CCDC149: variants seen among roughly 807,000 people sequenced by gnomAD.
CCDC149 encodes the protein coiled-coil domain containing 149.
Under a neutral mutation model 59.9 loss-of-function variants are expected in CCDC149, and 45 were observed. The observed-to-expected ratio is 0.75, with a 90% CI of 0.59 to 0.96. The LOEUF (loss-of-function observed/expected upper bound fraction) is 0.96. CCDC149 is among the 40% of genes least tolerant of loss of function. CCDC149 has a pLI of 0.00. For synonymous variants in CCDC149, 245 were observed against 260.6 expected, an observed-to-expected ratio of 0.94 and a Z score of 0.58; for missense variants, 584 against 664.7, an observed-to-expected ratio of 0.88 and a Z score of 1.33.
chr4:24,850,229 C>A (rs1243594370), intron 4 of CCDC149, among the ~76,000 whole-genome samples: 1 of 151,964 alleles, frequency 6.6e-6, no homozygotes, highest in Non-Finnish European at 1.5e-5. Context: ...CCATTCCATT[C>A]CTTCAATAGA....
At chr4:24,924,181 C>T (rs1201382661) in intron 1 of CCDC149, among the ~76,000 whole-genome samples, 1 of 151,846 alleles carries the variant, frequency 6.6e-6, no homozygotes, top group Non-Finnish European at 1.5e-5. Flanking sequence ...AAGAGTAGCA[C>T]CACTCTGACC....
chr4:24,869,187 C>T (rs977917042), intron 3 of CCDC149, among the ~76,000 whole-genome samples: 1 of 152,222 alleles, frequency 6.6e-6, no homozygotes, highest in African/African-American at 2.4e-5. Context: ...CAGTGGCATG[C>T]CTGATCATGC....
upstream of CCDC149, among the ~76,000 whole-genome samples, chr4:24,913,122 G>A (rs1257231120): frequency 6.6e-6 from 1 of 150,766 alleles, no homozygotes; most frequent in Non-Finnish European, 1.5e-5. Context: ...CGCCGGGCCC[G>A]CCCCGCGCCC....
chr4:24,961,547 T>C (rs937498690), intron 1 of CCDC149, among the ~76,000 whole-genome samples: 3 of 152,320 alleles, frequency 2.0e-5, no homozygotes, highest in Admixed American at 2.0e-4. Context: ...TCATGCTACC[T>C]GACTTCAAGC....
In CCDC149 at chr4:24,859,169, A is replaced by G. The variant is rs200560686; in HGVS notation, c.265-5990T>C. ...GAAACTGTAGTTTGAGTACATAGCC[A>G]TTCTGTTTTTTGGTTTCAGTACGGT... On this transcript the variant is annotated intron_variant, in intron 3 of 12. Transcript: ENST00000635206. 3.9e-5 allele frequency among the ~76,000 whole-genome samples: 6 copies of G among 152,324 alleles called. No homozygotes were observed. The East Asian group carries it at 1.2e-3, about 29-fold the overall frequency.
In CCDC149 at chr4:24,912,828, G is replaced by GC. The variant is rs753077201; in HGVS notation, c.51dup (p.Leu18AlafsTer9). The GC allele has an allele frequency of 7.3e-7, 1 of 1,367,652 alleles. No homozygotes were observed. Among genetic ancestry groups the GC allele is most frequent in the South Asian group, 1.5e-5 (1 of 67,898 alleles). The allele number at this position is 1,367,652 out of a possible 1,614,324, so 84.7% of individuals were successfully genotyped here. ...CGCCGCGGCCTCACCTCGCTCACCA[G>GC]CCCCTGCCAGTCGCTCTCAGTCCGG... On this transcript the variant is annotated frameshift_variant, in exon 1 of 13. Transcript: ENST00000635206. LOFTEE classifies it high-confidence loss of function.
chr4:24,920,066 A>G (rs919050199), intron 1 of CCDC149, among the ~76,000 whole-genome samples: 1 of 152,212 alleles, frequency 6.6e-6, no homozygotes, highest in Non-Finnish European at 1.5e-5. Context: ...GCTCCCTCAC[A>G]GTGCTTAGGA....
chr4:24,862,543 T>C (rs1402029601), intron 3 of CCDC149, among the ~76,000 whole-genome samples: 2 of 152,192 alleles, frequency 1.3e-5, no homozygotes, highest in Non-Finnish European at 2.9e-5. Flanking sequence ...TGAATATACT[T>C]ACATGATTGC....
At chr4:24,887,129 T>C (rs1720229503) in intron 1 of CCDC149, among the ~76,000 whole-genome samples, 1 of 152,156 alleles carries the variant, frequency 6.6e-6, no homozygotes, top group African/African-American at 2.4e-5. Context: ...GAGGGGCTTT[T>C]ATCTGCCCTA....
rs370203024 is a variant in CCDC149 at position 24,907,810 on chromosome 4, T to C, written c.63+5007A>G. Reference sequence around the variant, plus strand: ...GGAGGTTTGAAGTCCAAAATTAAGGTGTTGGCAGGACTGTGTTCCCCAGTG... The same window carrying C: ...GGAGGTTTGAAGTCCAAAATTAAGGCGTTGGCAGGACTGTGTTCCCCAGTG... On this transcript the variant is annotated intron_variant, in intron 1 of 12. Transcript: ENST00000635206. 4.6e-5 allele frequency among the ~76,000 whole-genome samples: 7 copies of C among 152,232 alleles called. No individual in the cohort carries two copies. In the East Asian group the frequency reaches 9.7e-4, roughly 21 times the overall value.
intron 1 of CCDC149, among the ~76,000 whole-genome samples, chr4:24,893,612 A>ATTTTTTTTTTTTTTTT (rs1560241640): frequency 6.4e-4 from 6 of 9,386 alleles, no homozygotes; most frequent in South Asian, 6.0e-3. Context: ...TAAAATACAG[A>ATTTTTTTTTTTTTTTT]CTTTTTTTTT....
rs999681706 is a variant in CCDC149 at position 24,939,443 on chromosome 4, G to GA, written c.-65+40625dup. ...GGTAGATAAAAACCACAAAGATGCGGAAAAAACAGAGCAGAAAAACTGGAA... is the reference window on the plus strand; with the variant it reads ...GGTAGATAAAAACCACAAAGATGCGGAAAAAAACAGAGCAGAAAAACTGGAA... On this transcript the variant is annotated intron_variant, in intron 1 of 12. Transcript: ENST00000389609. Among the ~76,000 whole-genome samples the GA allele has an allele frequency of 4.4e-4, 67 of 152,288 alleles. 1 individual carries two copies. In the Middle Eastern group the frequency reaches 0.044, roughly 101 times the overall value.
At chr4:24,878,416 C>A (rs1719616064) in intron 1 of CCDC149, among the ~76,000 whole-genome samples, 1 of 152,104 alleles carries the variant, frequency 6.6e-6, no homozygotes, top group Admixed American at 6.5e-5. Context: ...TTCATGGAGG[C>A]AAAATGGTTC....
chr4:24,895,564 T>TG, intron 1 of CCDC149, among the ~76,000 whole-genome samples: 1 of 152,276 alleles, frequency 6.6e-6, no homozygotes, highest in East Asian at 1.9e-4. Flanking sequence ...CCCAAGGCAT[T>TG]TCTCATCTCT....
intron 1 of CCDC149, among the ~76,000 whole-genome samples, chr4:24,955,132 A>G (rs1380781708): frequency 6.6e-6 from 1 of 152,146 alleles, no homozygotes; most frequent in African/African-American, 2.4e-5. Context: ...TATGGAGAAG[A>G]AAAGTTTATT....
chr4:24,881,685 C>T (rs1296970032), intron 1 of CCDC149, among the ~76,000 whole-genome samples: 1 of 152,210 alleles, frequency 6.6e-6, no homozygotes, highest in Non-Finnish European at 1.5e-5. Context: ...TGCCCCTGGG[C>T]TGTGTGTCCA....
At chr4:24,808,876 C>T in intron 12 of CCDC149, 57 bp from the exon 13 acceptor site, 1 of 1,430,100 alleles carries the variant, frequency 7.0e-7, no homozygotes, top group Non-Finnish European at 9.3e-7. Flanking sequence ...CCCTCACCGC[C>T]CCTCTTCTGC....
intron 1 of CCDC149, among the ~76,000 whole-genome samples, chr4:24,952,776 G>A (rs551345555): frequency 2.2e-4 from 33 of 150,548 alleles, no homozygotes; most frequent in Admixed American, 4.0e-4. Context: ...ATCCGTCATC[G>A]GAACTCTTTT....
chr4:24,964,490 G>A (rs1723740720), intron 1 of CCDC149, among the ~76,000 whole-genome samples: 1 of 152,008 alleles, frequency 6.6e-6, no homozygotes, highest in African/African-American at 2.4e-5. Flanking sequence ...AAATAACATG[G>A]GTCAATTAAG....
Sources: allele counts gnomAD v4.1 joint callset (sites outside exome capture counted in the v4.1 genomes callset), GRCh38; gene constraint gnomAD v4.1.1; transcripts MANE v1.5; gene names NCBI Gene and HGNC (gene_info 2026-07-23, HGNC 2026-07-21).